JAK1: variants seen among roughly 807,000 people sequenced by gnomAD.
The protein encoded by JAK1 is tyrosine-protein kinase JAK1.
A neutral mutation model predicts 136.6 loss-of-function variants in JAK1; 16 were observed. The ratio of observed to expected loss-of-function variants is 0.12; its 90% CI spans 0.08 to 0.18. The LOEUF is 0.18. JAK1 is among the 10% of genes least tolerant of loss of function. The probability of loss-of-function intolerance (pLI) is 1.00; values close to 1 mark genes in which losing one functional copy is unlikely to be tolerated. For synonymous variants in JAK1, 492 were observed against 519.5 expected, an observed-to-expected ratio of 0.95 and a Z score of 0.72; for missense variants, 859 against 1,450.1, an observed-to-expected ratio of 0.59 and a Z score of 6.62.
intron 1 of JAK1, among the ~76,000 whole-genome samples, chr1:64,948,630 T>C (rs932785230): frequency 6.6e-6 from 1 of 152,270 alleles, no homozygotes; most frequent in African/African-American, 2.4e-5. Context: ...AAATTGCTTT[T>C]GGGCTTCTCT....
At chr1:65,026,135 A>G (rs1374281841) in intron 2 of JAK1, among the ~76,000 whole-genome samples, 1 of 152,186 alleles carries the variant, frequency 6.6e-6, no homozygotes, top group Non-Finnish European at 1.5e-5. Flanking sequence ...CATGCCTTCC[A>G]TGTGATCCCA....
intron 1 of JAK1, among the ~76,000 whole-genome samples, chr1:64,952,103 A>G (rs2100581622): frequency 6.6e-6 from 1 of 152,358 alleles, no homozygotes; most frequent in Non-Finnish European, 1.5e-5. Flanking sequence ...CTGAAACGCT[A>G]TACATTTGCC....
At chr1:64,921,748 T>C (rs1645497387) in intron 1 of JAK1, among the ~76,000 whole-genome samples, 1 of 152,088 alleles carries the variant, frequency 6.6e-6, no homozygotes, top group Non-Finnish European at 1.5e-5. Context: ...GATCAACCTT[T>C]TATAAACAAG....
intron 2 of JAK1, among the ~76,000 whole-genome samples, chr1:64,988,958 GTATGTATGTATATATATATGTATA>G: frequency 9.0e-6 from 1 of 111,580 alleles, no homozygotes; most frequent in Admixed American, 1.0e-4. Context: ...GTATATATAT[GTATGTATGTATATATATATGTATA>G]TGTGTGTGTG....
At chr1:64,938,174 GAATGT>G (rs1298231742) in intron 1 of JAK1, among the ~76,000 whole-genome samples, 1 of 150,758 alleles carries the variant, frequency 6.6e-6, no homozygotes, top group Admixed American at 6.6e-5. Flanking sequence ...GGCTAAGAAA[GAATGT>G]AATTTCATGG....
chr1:64,983,931 G>T (rs1646573559), intron 2 of JAK1, among the ~76,000 whole-genome samples: 1 of 152,164 alleles, frequency 6.6e-6, no homozygotes. Context: ...AAGAGGTAAT[G>T]TGCAGATCTC....
chr1:64,895,004 A>G (rs1388923868), intron 1 of JAK1, among the ~76,000 whole-genome samples: 2 of 152,200 alleles, frequency 1.3e-5, no homozygotes, highest in East Asian at 1.9e-4. Flanking sequence ...CAGCAGCATC[A>G]GGGCAGAGCA....
chr1:64,999,295 A>G (rs1646731430), intron 2 of JAK1, among the ~76,000 whole-genome samples: 1 of 152,224 alleles, frequency 6.6e-6, no homozygotes, highest in Non-Finnish European at 1.5e-5. Context: ...GTGCAAGCAC[A>G]TAAGATAACT....
At chr1:64,913,625 G>C (rs1363543871) in intron 1 of JAK1, among the ~76,000 whole-genome samples, 1 of 112,212 alleles carries the variant, frequency 8.9e-6, no homozygotes, top group African/African-American at 3.6e-5. Context: ...ATTTGGGAGG[G>C]AGGGAGGGAG....
intron 1 of JAK1, chr1:65,057,728 C>T (rs1260170360): frequency 1.3e-5 from 2 of 154,746 alleles, no homozygotes; most frequent in African/African-American, 2.4e-5. Context: ...TTTACAGCTT[C>T]GTATTCCTGA....
rs2101051052 is a variant in JAK1 at position 64,855,685 on chromosome 1, G to A, written c.1472C>T (p.Ala491Val). The A allele has an allele frequency of 6.2e-7, 1 of 1,612,512 alleles. No individual in the cohort carries two copies. Among genetic ancestry groups the A allele is most frequent in the Non-Finnish European group, 8.5e-7 (1 of 1,178,798 alleles). Residue 491 changes from alanine (A) to valine (V), a missense_variant, in exon 11 of 25, where the codon GCC becomes GTC. This residue lies in a region of JAK1 where 409 missense variants were observed against 753.8 expected (regional missense o/e 0.54). Coordinates refer to ENST00000342505, the MANE Select transcript of JAK1 (RefSeq NM_002227.4). ...CTGAAAGTTCTTGAACTGCTTCTGG[G>A]CACCCTGCACCTGCTATTCGGGAAA... ...CFEKSEQVQG[A>V]QKQFKNFQIE...
At chr1:64,836,393 T>C (rs927250453) in intron 22 of JAK1, among the ~76,000 whole-genome samples, 178 bp from the exon 23 acceptor site, 1 of 152,198 alleles carries the variant, frequency 6.6e-6, no homozygotes, top group African/African-American at 2.4e-5. Flanking sequence ...ATCTGACCTA[T>C]AGTACGGTAT....
chr1:64,950,431 A>C (rs1424389650), intron 1 of JAK1, among the ~76,000 whole-genome samples: 25 of 152,144 alleles, frequency 1.6e-4, no homozygotes, highest in Non-Finnish European at 7.4e-5. Flanking sequence ...GTCAACATTA[A>C]AGAAAGCATT....
chr1:64,915,355 C>T (rs1025970171), intron 1 of JAK1, among the ~76,000 whole-genome samples: 1 of 152,024 alleles, frequency 6.6e-6, no homozygotes, highest in African/African-American at 2.4e-5. Context: ...AAATTGACTT[C>T]GATAATCCAC....
At chr1:64,842,152 G>T (rs781108402) in intron 17 of JAK1, among the ~76,000 whole-genome samples, 3 of 151,890 alleles carry the variant, frequency 2.0e-5, no homozygotes, top group African/African-American at 4.8e-5. Flanking sequence ...AAAAAACTCA[G>T]AATTTTATAT....
At chr1:64,988,255 A>G (rs1157577209) in intron 2 of JAK1, among the ~76,000 whole-genome samples, 1 of 152,214 alleles carries the variant, frequency 6.6e-6, no homozygotes, top group East Asian at 1.9e-4. Flanking sequence ...TTTACAATAA[A>G]TGATCCTAAT....
At chr1:64,942,735 C>A (rs546433871) in intron 1 of JAK1, among the ~76,000 whole-genome samples, 1 of 152,096 alleles carries the variant, frequency 6.6e-6, no homozygotes, top group Non-Finnish European at 1.5e-5. Context: ...TCGTAGATAA[C>A]ATAATTAACC....
intron 1 of JAK1, among the ~76,000 whole-genome samples, chr1:64,907,100 A>T (rs1445829703): frequency 6.6e-6 from 1 of 152,166 alleles, no homozygotes; most frequent in East Asian, 1.9e-4. Flanking sequence ...CTGTATTTGT[A>T]AAAAGAGAAA....
chr1:64,860,091 G>A lies in JAK1; in HGVS notation c.1334+14C>T, dbSNP rs1199710337. ...CTGCACACCAAAGGCAACTGATAAGGTTCTAGGACCAACCAGATTGGACCA... is the reference window on the plus strand; with the variant it reads ...CTGCACACCAAAGGCAACTGATAAGATTCTAGGACCAACCAGATTGGACCA... On this transcript the variant is annotated intron_variant, in intron 9 of 24. Transcript: ENST00000342505. The A allele has an allele frequency of 6.4e-7, 1 of 1,553,770 alleles. No homozygotes were observed. Among genetic ancestry groups the A allele is most frequent in the Non-Finnish European group, 8.7e-7 (1 of 1,143,372 alleles).
Sources: allele counts gnomAD v4.1 joint callset (sites outside exome capture counted in the v4.1 genomes callset), GRCh38; gene constraint gnomAD v4.1.1; regional missense constraint gnomAD v4.1.1; transcripts MANE v1.5; gene names NCBI Gene and HGNC (gene_info 2026-07-23, HGNC 2026-07-21).